The following EVI5 variants were observed in gnomAD, a reference collection of about 807,000 sequenced individuals.
The protein encoded by EVI5 is ecotropic viral integration site 5.
Under a neutral mutation model 112.0 loss-of-function variants are expected in EVI5, and 73 were observed. The ratio of observed to expected loss-of-function variants is 0.65; its 90% CI spans 0.54 to 0.79. The LOEUF (loss-of-function observed/expected upper bound fraction) is 0.79. Among genes scored for constraint, EVI5 ranks in the 30% least tolerant of loss-of-function variants. EVI5 has a pLI of 0.00. For synonymous variants in EVI5, 305 were observed against 319.9 expected, an observed-to-expected ratio of 0.95 and a Z score of 0.50; for missense variants, 900 against 968.8, an observed-to-expected ratio of 0.93 and a Z score of 0.94.
intron 13 of EVI5, among the ~76,000 whole-genome samples, chr1:92,648,233 G>A (rs1458398669): frequency 2.8e-5 from 4 of 140,392 alleles, no homozygotes; most frequent in Non-Finnish European, 1.5e-5. Flanking sequence ...AACCAGCCGG[G>A]CATGGTGGCA....
intron 1 of EVI5, among the ~76,000 whole-genome samples, chr1:92,752,879 C>G (rs1553266848): frequency 6.6e-6 from 1 of 152,088 alleles, no homozygotes; most frequent in Non-Finnish European, 1.5e-5. Context: ...AATCTACTTT[C>G]TAAAAGAACA....
chr1:92,694,222 G>A (rs565275561), intron 8 of EVI5, 77 bp downstream of exon 8: 36 of 812,518 alleles, frequency 4.4e-5, no homozygotes, highest in Non-Finnish European at 6.6e-5. Flanking sequence ...CCAAGATCAC[G>A]CCACTGCACT....
intron 16 of EVI5, among the ~76,000 whole-genome samples, chr1:92,613,455 C>T (rs760580873): frequency 1.3e-5 from 2 of 152,148 alleles, no homozygotes; most frequent in East Asian, 3.9e-4. Context: ...TACAGCACCA[C>T]GTCTGGCTAA....
At position 92,517,959 on chromosome 1, in the gene EVI5, G is replaced by A. The variant is rs1660219554; in HGVS notation, c.2167-3989C>T. Among the ~76,000 whole-genome samples the A allele has an allele frequency of 2.0e-5, 3 of 147,372 alleles. No homozygotes were observed. The South Asian group carries it at 6.4e-4, about 32-fold the overall frequency. ...GTTGCCCAGGCTGGAGTGCAGTGGT[G>A]CAAACTCAGTTCATTGCAACCTCTG... is the stretch of plus-strand genomic sequence containing the variant. On this transcript the variant is annotated intron_variant, in intron 19 of 19. Transcript: ENST00000684568.
intron 2 of EVI5, among the ~76,000 whole-genome samples, chr1:92,729,616 T>C (rs1297720298): frequency 1.3e-5 from 2 of 152,188 alleles, no homozygotes; most frequent in Non-Finnish European, 2.9e-5. Context: ...CGTCCTTAGA[T>C]CAAATGGTAT....
intron 18 of EVI5, among the ~76,000 whole-genome samples, chr1:92,575,844 A>G (rs7516537): frequency 0.92 from 140,069 of 152,056 alleles, 64,608 homozygotes; most frequent in East Asian, 0.97. Context: ...GATTACAGGC[A>G]TAATCCCAGC....
chr1:92,633,716 T>C (rs78584331), intron 14 of EVI5, among the ~76,000 whole-genome samples: 15 of 152,330 alleles, frequency 9.8e-5, no homozygotes, highest in South Asian at 6.2e-4. Flanking sequence ...CCTGACATTA[T>C]GATGTTAGCT....
At chr1:92,579,816 C>T (rs1024273047) in intron 18 of EVI5, among the ~76,000 whole-genome samples, 6 of 152,280 alleles carry the variant, frequency 3.9e-5, no homozygotes, top group East Asian at 1.9e-4. Flanking sequence ...CAGGTGTGAG[C>T]CCCCGTGCCC....
chr1:92,582,019 G>A (rs560425334), intron 18 of EVI5, among the ~76,000 whole-genome samples: 1 of 152,306 alleles, frequency 6.6e-6, no homozygotes, highest in South Asian at 2.1e-4. Flanking sequence ...GAAATGTGTT[G>A]TTAGGGGATT....
intron 1 of EVI5, among the ~76,000 whole-genome samples, chr1:92,783,357 T>G (rs1236263090): frequency 3.4e-5 from 4 of 116,040 alleles, no homozygotes; most frequent in Non-Finnish European, 7.0e-5. Context: ...GAAACCCCGT[T>G]TCTACTAAAA....
intron 18 of EVI5, among the ~76,000 whole-genome samples, chr1:92,598,660 T>G (rs1013096916): frequency 2.0e-5 from 3 of 152,196 alleles, no homozygotes; most frequent in Non-Finnish European, 4.4e-5. Context: ...AACTCCTTAA[T>G]TTTACAGGTT....
intron 19 of EVI5, among the ~76,000 whole-genome samples, chr1:92,514,858 T>C (rs1173027240): frequency 6.6e-6 from 1 of 152,212 alleles, no homozygotes; most frequent in Non-Finnish European, 1.5e-5. Context: ...CTGTAAATGA[T>C]GAAAATGATT....
chr1:92,565,948 C>CAAAAAAAAAAAAAAAAAAAAAAA lies in EVI5; in HGVS notation c.2071-2212_2071-2211insTTTTTTTTTTTTTTTTTTTTTTT, dbSNP rs71586755. ...TTGCGCCACTGCATTCCAGCCCGAGCAAAAAAAAAAAAAAAAAAAAGAAAT... is the reference window on the plus strand; with the variant it reads ...TTGCGCCACTGCATTCCAGCCCGAGCAAAAAAAAAAAAAAAAAAAAAAAAAAAAAAAAAAAAAAAAAAAGAAAT... On this transcript the variant is annotated intron_variant, in intron 18 of 19. Transcript: ENST00000684568. 4.0e-4 allele frequency among the ~76,000 whole-genome samples: 21 copies of CAAAAAAAAAAAAAAAAAAAAAAA among 51,868 alleles called. 3 individuals are homozygous for CAAAAAAAAAAAAAAAAAAAAAAA. The highest frequency in any genetic ancestry group is 2.0e-3 in the African/African-American group (20 of 10,134). The allele number at this position is 51,868 out of a possible 152,430, so 34.0% of individuals were successfully genotyped here. A position where few individuals can be genotyped will look rare whatever the true frequency, so the allele number is the denominator to read the frequency against.
At chr1:92,625,418 T>A (rs1294515764) in intron 15 of EVI5, among the ~76,000 whole-genome samples, 1 of 152,180 alleles carries the variant, frequency 6.6e-6, no homozygotes, top group Non-Finnish European at 1.5e-5. Context: ...AATTTATACA[T>A]TAAATTTATA....
intron 9 of EVI5, among the ~76,000 whole-genome samples, chr1:92,685,649 T>C (rs1668389224): frequency 6.6e-6 from 1 of 151,702 alleles, no homozygotes; most frequent in African/African-American, 2.4e-5. Context: ...AATAGACCAC[T>C]AGCAACACTA....
At chr1:92,714,117 A>G (rs911339187) in intron 2 of EVI5, 19 of 980,626 alleles carry the variant, frequency 1.9e-5, no homozygotes, top group Non-Finnish European at 2.1e-5. Flanking sequence ...TCAATTATTA[A>G]CTTTCATCAA....
intron 10 of EVI5, among the ~76,000 whole-genome samples, chr1:92,673,890 G>A (rs1450599624): frequency 6.6e-6 from 1 of 152,066 alleles, no homozygotes; most frequent in Non-Finnish European, 1.5e-5. Flanking sequence ...CACCCCAAAG[G>A]TCTTATAATT....
intron 13 of EVI5, among the ~76,000 whole-genome samples, chr1:92,639,883 A>G (rs1048483217): frequency 6.6e-6 from 1 of 152,214 alleles, no homozygotes; most frequent in Non-Finnish European, 1.5e-5. Flanking sequence ...ACAAGGCTAC[A>G]GTAACCCAAC....
At chr1:92,705,985 TA>T (rs1488614269) in intron 2 of EVI5, among the ~76,000 whole-genome samples, 3 of 152,184 alleles carry the variant, frequency 2.0e-5, no homozygotes, top group Non-Finnish European at 4.4e-5. Context: ...AATAAAATCA[TA>T]AGTCCAAATT....
Sources: gnomAD v4.1 joint callset for allele counts (sites outside exome capture counted in the v4.1 genomes callset) on GRCh38, gnomAD v4.1.1 for gene constraint, MANE v1.5 for transcripts, NCBI Gene and HGNC (gene_info 2026-07-23, HGNC 2026-07-21) for gene names.